The following PTPRK variants were observed in gnomAD, a reference collection of about 807,000 sequenced individuals.
PTPRK encodes protein tyrosine phosphatase receptor type K, also known as receptor-type tyrosine-protein phosphatase kappa.
In PTPRK, 75 loss-of-function variants were observed where a neutral mutation model predicts 178.0. The ratio of observed to expected loss-of-function variants is 0.42; its 90% CI spans 0.35 to 0.51. The LOEUF (loss-of-function observed/expected upper bound fraction) is 0.51. Ranked by LOEUF, PTPRK falls within the 20% of genes least tolerant of loss-of-function variation. The probability of loss-of-function intolerance (pLI) is 0.02; values close to 1 mark genes in which losing one functional copy is unlikely to be tolerated. For synonymous variants in PTPRK, 637 were observed against 620.6 expected (o/e 1.03, Z -0.39); for missense variants, 1,441 against 1,797.8 (o/e 0.80, Z 3.59).
chr6:127,972,061 G>A (rs973457085), intron 29 of PTPRK, among the ~76,000 whole-genome samples: 2 of 152,034 alleles, frequency 1.3e-5, no homozygotes, highest in African/African-American at 4.8e-5. Context: ...GACACCTGTA[G>A]AAAGGGTGGA....
chr6:128,321,809 A>G (rs1166541399), intron 3 of PTPRK: 3 of 714,592 alleles, frequency 4.2e-6, no homozygotes, highest in Admixed American at 4.0e-5. Flanking sequence ...TTTTGTGCCA[A>G]TGTCTCCAAA....
chr6:128,279,841 C>A (rs1821392888), intron 3 of PTPRK, among the ~76,000 whole-genome samples: 1 of 152,092 alleles, frequency 6.6e-6, no homozygotes, highest in African/African-American at 2.4e-5. Context: ...ATTAACAACT[C>A]CTCACATTCC....
At chr6:128,297,503 A>G (rs1583982906) in intron 3 of PTPRK, among the ~76,000 whole-genome samples, 1 of 152,340 alleles carries the variant, frequency 6.6e-6, no homozygotes, top group Non-Finnish European at 1.5e-5. Flanking sequence ...AATGTAAAAG[A>G]TCAGAAATTA....
intron 7 of PTPRK, among the ~76,000 whole-genome samples, chr6:128,156,213 CAAA>C (rs746857878): frequency 6.6e-6 from 1 of 151,608 alleles, no homozygotes; most frequent in African/African-American, 2.4e-5. Context: ...GAAATAAAAA[CAAA>C]AAATATGGAA....
intron 10 of PTPRK, among the ~76,000 whole-genome samples, chr6:128,080,322 G>A (rs774152635): frequency 3.9e-5 from 6 of 151,904 alleles, no homozygotes; most frequent in Non-Finnish European, 8.8e-5. Context: ...AACACCAAGT[G>A]GATCTTTAGA....
chr6:128,102,650 AGGAAAATAC>A (rs1788984032), intron 7 of PTPRK, among the ~76,000 whole-genome samples: 1 of 152,214 alleles, frequency 6.6e-6, no homozygotes, highest in African/African-American at 2.4e-5. Context: ...TGCATGGGGA[AGGAAAATAC>A]TTTTGAATGT....
chr6:128,355,767 G>A (rs1400423751), intron 2 of PTPRK, among the ~76,000 whole-genome samples: 2 of 152,030 alleles, frequency 1.3e-5, no homozygotes, highest in South Asian at 2.1e-4. Context: ...TGCACGTTGT[G>A]CACATGTACC....
chr6:128,114,306 G>C (rs1791138888), intron 7 of PTPRK, among the ~76,000 whole-genome samples: 1 of 151,910 alleles, frequency 6.6e-6, no homozygotes, highest in African/African-American at 2.4e-5. Context: ...AAGTGAGCGG[G>C]GAAGTGCCAC....
At chr6:128,359,294 G>A (rs1834393642) in intron 2 of PTPRK, among the ~76,000 whole-genome samples, 1 of 150,220 alleles carries the variant, frequency 6.7e-6, no homozygotes, top group Non-Finnish European at 1.5e-5. Context: ...GGGATTACAG[G>A]CGTGAGCCAC....
intron 3 of PTPRK, among the ~76,000 whole-genome samples, chr6:128,282,751 T>C (rs1173094853): frequency 6.6e-6 from 1 of 152,154 alleles, no homozygotes. Context: ...ATCTATCTCA[T>C]AGGGATTCTG....
intron 1 of PTPRK, among the ~76,000 whole-genome samples, chr6:128,412,282 T>A (rs992740242): frequency 2.0e-5 from 3 of 152,208 alleles, no homozygotes; most frequent in Non-Finnish European, 4.4e-5. Context: ...ATTCATTTAA[T>A]CCCCACACCT....
intron 5 of PTPRK, among the ~76,000 whole-genome samples, chr6:128,229,474 C>T (rs1349522164): frequency 2.0e-5 from 3 of 152,010 alleles, no homozygotes; most frequent in African/African-American, 7.2e-5. Context: ...TTCACTGAAA[C>T]GATCTAGAAA....
chr6:128,009,027 T>TAAAGTATGCTAAAACCA, intron 14 of PTPRK, 103 bp downstream of exon 14: 1 of 1,066,518 alleles, frequency 9.4e-7, no homozygotes, highest in Non-Finnish European at 1.3e-6. Context: ...TAAAATTTTC[T>TAAAGTATGCTAAAACCA]TCCTGTTGTT....
chr6:128,255,030 G>T (rs958254750), intron 3 of PTPRK, among the ~76,000 whole-genome samples: 2 of 152,074 alleles, frequency 1.3e-5, no homozygotes, highest in Non-Finnish European at 2.9e-5. Context: ...TTGCTCTATC[G>T]CCCAGGCTGG....
intron 1 of PTPRK, chr6:128,409,429 T>C: frequency 2.9e-6 from 1 of 346,622 alleles, no homozygotes; most frequent in Non-Finnish European, 5.7e-6. Context: ...GGGATGGGTT[T>C]ATAACTTTGC....
At chr6:128,442,060 G>GA in intron 1 of PTPRK, among the ~76,000 whole-genome samples, 1 of 152,272 alleles carries the variant, frequency 6.6e-6, no homozygotes, top group South Asian at 2.1e-4. Context: ...ATAAATATCA[G>GA]AAAAGACAAG....
chr6:128,151,261 A>G (rs1042444044), intron 7 of PTPRK, among the ~76,000 whole-genome samples: 1 of 152,070 alleles, frequency 6.6e-6, no homozygotes, highest in African/African-American at 2.4e-5. Context: ...TGTACTTGGA[A>G]CTATATTTTT....
At chr6:128,368,958 A>AC (rs987953938) in intron 2 of PTPRK, among the ~76,000 whole-genome samples, 3 of 152,088 alleles carry the variant, frequency 2.0e-5, no homozygotes, top group Admixed American at 6.6e-5. Flanking sequence ...AACAAAAAAA[A>AC]AAACACACAC....
At chr6:128,327,634 T>A (rs17055706) in intron 2 of PTPRK, among the ~76,000 whole-genome samples, 17,534 of 152,176 alleles carry the variant, frequency 0.12, 1,540 homozygotes, top group African/African-American at 0.24. Context: ...CTGGGATATC[T>A]CTTGTCAACC....
Sources: allele counts gnomAD v4.1 joint callset (sites outside exome capture counted in the v4.1 genomes callset), GRCh38; gene constraint gnomAD v4.1.1; transcripts MANE v1.5; gene names NCBI Gene and HGNC (gene_info 2026-07-23, HGNC 2026-07-21).